The following ZC3H12B variants were observed in gnomAD, a reference collection of about 807,000 sequenced individuals.
ZC3H12B encodes probable ribonuclease ZC3H12B.
A neutral mutation model predicts 43.9 loss-of-function variants in ZC3H12B; 7 were observed. That is an observed-to-expected ratio of 0.16 (90% confidence interval 0.09 to 0.30). The LOEUF is 0.30. Ranked by LOEUF, ZC3H12B falls within the 10% of genes least tolerant of loss-of-function variation. The probability of loss-of-function intolerance (pLI) is 1.00; values close to 1 mark genes in which losing one functional copy is unlikely to be tolerated. For synonymous variants in ZC3H12B, 222 were observed against 241.7 expected (o/e 0.92, Z 0.76); for missense variants, 475 against 670.2 (o/e 0.71, Z 3.22).
chrX:65,493,890 C>G (rs933188455), intron 1 of ZC3H12B, among the ~76,000 whole-genome samples: 1 of 111,232 alleles, frequency 9.0e-6, no homozygotes, highest in African/African-American at 3.3e-5. Flanking sequence ...TTATTCATTC[C>G]TTAAATGTTT....
the ZC3H12B span, among the ~76,000 whole-genome samples, chrX:65,310,612 C>G: frequency 8.9e-6 from 1 of 111,925 alleles, no homozygotes; most frequent in Non-Finnish European, 1.9e-5. Flanking sequence ...CATCAAGCTA[C>G]CAATGACTTT....
chrX:65,212,311 A>ATT, the ZC3H12B span, among the ~76,000 whole-genome samples: 1 of 8,960 alleles, frequency 1.1e-4, no homozygotes, highest in African/African-American at 3.2e-4. Context: ...TATATAATAT[A>ATT]ATTATTATAT....
At chrX:65,219,974 T>C in the ZC3H12B span, among the ~76,000 whole-genome samples, 1 of 111,183 alleles carries the variant, frequency 9.0e-6, no homozygotes, top group East Asian at 2.8e-4. Context: ...AGATAAACTA[T>C]ACAGAAAAAC....
chrX:65,223,368 A>G, the ZC3H12B span, among the ~76,000 whole-genome samples: 4 of 112,283 alleles, frequency 3.6e-5, no homozygotes, highest in East Asian at 1.1e-3. Context: ...AACTGTAAAA[A>G]TTCTGGGAGA....
chrX:65,040,972 T>A, the ZC3H12B span, among the ~76,000 whole-genome samples: 2 of 111,566 alleles, frequency 1.8e-5, no homozygotes, highest in African/African-American at 6.5e-5. Context: ...GAGACCGGGT[T>A]TCACCATGTT....
At chrX:65,192,476 G>T in the ZC3H12B span, among the ~76,000 whole-genome samples, 1 of 111,423 alleles carries the variant, frequency 9.0e-6, no homozygotes, top group South Asian at 3.8e-4. Flanking sequence ...TATGATAGTA[G>T]CTGTGGGTCA....
At chrX:65,464,272 T>C (rs1224257625) in intron 3 of ZC3H12B, among the ~76,000 whole-genome samples, 1 of 111,848 alleles carries the variant, frequency 8.9e-6, no homozygotes, top group African/African-American at 3.2e-5. Flanking sequence ...GGTTCTTATG[T>C]TTTTTGATTA....
the ZC3H12B span, among the ~76,000 whole-genome samples, chrX:65,098,999 C>T: frequency 2.7e-3 from 299 of 111,570 alleles, no homozygotes; most frequent in Middle Eastern, 4.6e-3. Flanking sequence ...TTCTCACTGT[C>T]GGCAGAGCAG....
the ZC3H12B span, among the ~76,000 whole-genome samples, chrX:65,273,984 G>A: frequency 4.4e-3 from 488 of 112,058 alleles, 4 homozygotes; most frequent in African/African-American, 0.015. Context: ...CAGTGTCAAA[G>A]GAGATTGTTG....
the ZC3H12B span, among the ~76,000 whole-genome samples, chrX:65,056,674 C>A: frequency 9.0e-6 from 1 of 111,032 alleles, no homozygotes; most frequent in Non-Finnish European, 1.9e-5. Flanking sequence ...TGATCTGTCT[C>A]ATGTTGACAG....
the ZC3H12B span, among the ~76,000 whole-genome samples, chrX:65,348,688 CAA>C: frequency 7.3e-4 from 37 of 50,357 alleles, no homozygotes; most frequent in South Asian, 1.1e-3. Context: ...AAATGGCAAG[CAA>C]AAAAAAAAAA....
the ZC3H12B span, among the ~76,000 whole-genome samples, chrX:65,168,670 T>A: frequency 1.8e-5 from 2 of 111,502 alleles, no homozygotes; most frequent in African/African-American, 6.5e-5. Flanking sequence ...CATCTGGTCC[T>A]GGACTTTTTT....
chrX:65,360,706 G>A, the ZC3H12B span, among the ~76,000 whole-genome samples: 1 of 111,546 alleles, frequency 9.0e-6, no homozygotes, highest in Non-Finnish European at 1.9e-5. Flanking sequence ...TTTAATCAAG[G>A]CAAATAAAAG....
intron 3 of ZC3H12B, among the ~76,000 whole-genome samples, chrX:65,482,862 T>A (rs1428108165): frequency 8.9e-6 from 1 of 111,907 alleles, no homozygotes; most frequent in African/African-American, 3.2e-5. Context: ...ATATTGTGTG[T>A]TTACTTTGCT....
chrX:65,190,412 G>T, the ZC3H12B span, among the ~76,000 whole-genome samples: 1 of 111,261 alleles, frequency 9.0e-6, no homozygotes, highest in Admixed American at 9.6e-5. Context: ...TCACGATATT[G>T]ATTCTTCTTA....
At chrX:65,230,448 T>C in the ZC3H12B span, among the ~76,000 whole-genome samples, 1 of 108,989 alleles carries the variant, frequency 9.2e-6, no homozygotes, top group African/African-American at 3.4e-5. Flanking sequence ...GACGAGTTAA[T>C]GGGTGCAGCA....
the ZC3H12B span, among the ~76,000 whole-genome samples, chrX:65,158,271 T>C: frequency 1.8e-5 from 2 of 111,085 alleles, no homozygotes; most frequent in East Asian, 2.8e-4. Flanking sequence ...GATTTACAGT[T>C]CTTTGGGTAT....
Position 65,380,963 on chromosome X carries a change from A to G in ZC3H12B, n.295+11965A>G, listed in dbSNP as rs770352816. On this transcript the variant is annotated intron_variant and non_coding_transcript_variant, in intron 2 of 5. Coordinates refer to the ZC3H12B transcript ENST00000617377. Reference sequence around the variant, plus strand: ...ACCCAGATTCATAAAGCAAGTCCTGAGTGACCTGCAAAGAGACTTAGACTC... The same window carrying G: ...ACCCAGATTCATAAAGCAAGTCCTGGGTGACCTGCAAAGAGACTTAGACTC... 8.1e-5 allele frequency among the ~76,000 whole-genome samples: 9 copies of G among 111,646 alleles called. No individual in the cohort carries two copies. In the East Asian group the frequency reaches 2.5e-3, roughly 31 times the overall value.
At chrX:65,333,170 G>C in the ZC3H12B span, among the ~76,000 whole-genome samples, 1 of 111,378 alleles carries the variant, frequency 9.0e-6, no homozygotes, top group Non-Finnish European at 1.9e-5. Flanking sequence ...ACTATGCACA[G>C]GTACTGTGTA....
Sources: allele counts gnomAD v4.1 joint callset (sites outside exome capture counted in the v4.1 genomes callset), GRCh38; gene constraint gnomAD v4.1.1; transcripts MANE v1.5; gene names NCBI Gene and HGNC (gene_info 2026-07-23, HGNC 2026-07-21).